Variants in TBCK observed in about 807,000 individuals in gnomAD.
TBCK encodes the protein TBC domain-containing protein kinase-like protein.
TBCK carries 99 observed loss-of-function variants against 113.4 expected under a neutral mutation model. The ratio of observed to expected loss-of-function variants is 0.87; its 90% CI spans 0.74 to 1.03. The LOEUF (loss-of-function observed/expected upper bound fraction) is 1.03. Among genes scored for constraint, TBCK ranks in the 50% least tolerant of loss-of-function variants. The pLI is 0.00. For synonymous variants in TBCK, 369 were observed against 370.8 expected (o/e 1.00, Z 0.05); for missense variants, 1,045 against 1,061.3 (o/e 0.98, Z 0.21).
intron 1 of TBCK, chr4:106,310,440 G>A (rs780059509): frequency 1.3e-5 from 2 of 152,160 alleles, no homozygotes; most frequent in Non-Finnish European, 2.9e-5. Context: ...AATCAGAAGG[G>A]TGAAGTGTTG....
intron 22 of TBCK, among the ~76,000 whole-genome samples, chr4:106,189,948 C>T (rs1753477239): frequency 1.3e-5 from 2 of 152,056 alleles, no homozygotes; most frequent in South Asian, 4.1e-4. Context: ...TCTTTCCACT[C>T]CCCACTCCCC....
At chr4:106,231,678 A>G (rs1033242915) in intron 18 of TBCK, 51 bp downstream of exon 18, 4 of 1,532,122 alleles carry the variant, frequency 2.6e-6, no homozygotes, top group Non-Finnish European at 2.7e-6. Context: ...TGTGAATCAA[A>G]TATTTTAGAA....
intron 3 of TBCK, among the ~76,000 whole-genome samples, chr4:106,273,894 T>C (rs1035421315): frequency 1.3e-5 from 2 of 152,202 alleles, no homozygotes; most frequent in East Asian, 1.9e-4. Flanking sequence ...GCAGTAGCCA[T>C]AGAAAACTAA....
At chr4:106,146,409 C>T (rs1186404749) in intron 23 of TBCK, among the ~76,000 whole-genome samples, 1 of 151,762 alleles carries the variant, frequency 6.6e-6, no homozygotes, top group Non-Finnish European at 1.5e-5. Context: ...CATATGAACA[C>T]AAAGAAGGAA....
At chr4:106,314,921 G>A (rs1391067386) in intron 1 of TBCK, among the ~76,000 whole-genome samples, 1 of 151,942 alleles carries the variant, frequency 6.6e-6, no homozygotes, top group African/African-American at 2.4e-5. Flanking sequence ...CACCGCGCCC[G>A]ACCATTTTAT....
rs754712507 is a variant in TBCK, at chr4:106,244,675, C to T, written c.1021G>A (p.Val341Ile). ...TTGGATCGAATGATTTCCTTGTTGA[C>T]AAGCTCTTTCTCCAAGTCACCTCCA... ...LAGGDLEKEL[V>I]NKEIIRSKPP... The change falls in exon 11 of 26, where the codon GTC becomes ATC. Residue 341 changes from valine to isoleucine, a missense_variant. Physicochemically the swap from Val to Ile is conservative, Grantham distance 29. Coordinates refer to ENST00000394708, the MANE Select transcript of TBCK (RefSeq NM_001163435.3). The T allele has an allele frequency of 6.2e-7, 1 of 1,612,486 alleles. No individual in the cohort carries two copies. Among genetic ancestry groups the T allele is most frequent in the Non-Finnish European group, 8.5e-7 (1 of 1,179,234 alleles).
upstream of TBCK, chr4:106,316,541 G>A: frequency 6.4e-7 from 1 of 1,551,528 alleles, no homozygotes; most frequent in African/African-American, 1.4e-5. Flanking sequence ...CGGGTGGCTG[G>A]ACCTACATGC....
Position 106,233,615 on chromosome 4 carries a change from T to C in TBCK, c.1485A>G (p.Lys495=), listed in dbSNP as rs979894757. Reference sequence around the variant, plus strand: ...GTCTATCTGTAGGAATTGGAGTGTCTTTATCAATTGCATCGTACTTGGCAT... The same window carrying C: ...GTCTATCTGTAGGAATTGGAGTGTCCTTATCAATTGCATCGTACTTGGCAT... The part of the protein sequence containing the change: ...AIHAKYDAID[K]DTPIPTDRQI... The change falls in exon 16 of 26, where the codon AAA becomes AAG. Residue 495 remains lysine, a synonymous_variant. Coordinates refer to ENST00000394708, the MANE Select transcript of TBCK (RefSeq NM_001163435.3). The C allele has an allele frequency of 6.2e-7, 1 of 1,611,440 alleles. No individual in the cohort carries two copies. Among genetic ancestry groups the C allele is most frequent in the Non-Finnish European group, 8.5e-7 (1 of 1,178,506 alleles).
Position 106,045,931 on chromosome 4 carries a change from C to T in TBCK, c.*639G>A, listed in dbSNP as rs1456117904. ...AAAGAAACTAGAAAATTTGTTTAAG[C>T]CATTCGTCTTTGCTACAGGAACTGA... is the stretch of plus-strand genomic sequence containing the variant. On this transcript the variant is annotated 3_prime_UTR_variant, in exon 26 of 26. Transcript: ENST00000394708. 3 of 152,180 alleles carry T rather than the reference C, an allele frequency of 2.0e-5. No individual in the cohort carries two copies. The East Asian group carries it at 5.8e-4, about 29-fold the overall frequency. 9.4% of individuals were successfully genotyped at this position (152,180 alleles called of 1,614,324 possible). A position where few individuals can be genotyped will look rare whatever the true frequency, so the allele number is the denominator to read the frequency against.
chr4:106,170,524 G>C lies in TBCK; in HGVS notation c.2235+571C>G, dbSNP rs937861487. Among the ~76,000 whole-genome samples the C allele has an allele frequency of 5.3e-5, 8 of 151,926 alleles. 1 individual carries two copies. The highest frequency in any genetic ancestry group is 5.2e-4 in the Admixed American group (8 of 15,240). ...ATTTGGGGACATAAATAAAATCATA[G>C]AAAGTGCCATATCTGAAAAGCAATA... is the stretch of plus-strand genomic sequence containing the variant. On this transcript the variant is annotated intron_variant, in intron 23 of 25. Transcript: ENST00000394708.
intron 5 of TBCK, among the ~76,000 whole-genome samples, chr4:106,253,542 AG>A (rs1189019143): frequency 2.0e-5 from 3 of 152,314 alleles, no homozygotes; most frequent in African/African-American, 7.2e-5. Context: ...TTTCAAAACG[AG>A]TTATACCAAT....
chr4:106,212,130 AATTT>A (rs983954682), intron 20 of TBCK, among the ~76,000 whole-genome samples: 3 of 152,076 alleles, frequency 2.0e-5, no homozygotes, highest in Admixed American at 2.0e-4. Context: ...TTTTGTTATT[AATTT>A]ATTTTCCTCT....
In TBCK at chr4:106,231,888, AG is replaced by A. The variant is rs1412381100; in HGVS notation, c.1640-110del. ...ATTACCTCCAAGTAGATTAAACATT[AG>A]AAGTATTATCCATCCAGAAATATGT... On this transcript the variant is annotated intron_variant, in intron 17 of 25. Coordinates refer to ENST00000394708, the MANE Select transcript of TBCK (RefSeq NM_001163435.3). 7.2e-6 allele frequency: 7 copies of A among 970,464 alleles called. No homozygotes were observed. In the African/African-American group the frequency reaches 1.2e-4, roughly 16 times the overall value. 60.1% of individuals were successfully genotyped at this position (970,464 alleles called of 1,614,324 possible).
chr4:106,245,305 G>A (rs1402556757), intron 10 of TBCK, among the ~76,000 whole-genome samples: 1 of 152,156 alleles, frequency 6.6e-6, no homozygotes, highest in East Asian at 1.9e-4. Context: ...TAACCATTCT[G>A]AAATACAATG....
chr4:106,290,431 C>A (rs989171440), intron 3 of TBCK, among the ~76,000 whole-genome samples: 2 of 152,150 alleles, frequency 1.3e-5, no homozygotes, highest in Non-Finnish European at 2.9e-5. Context: ...CCACCTTGGC[C>A]TCCCAAAGTG....
chr4:106,148,975 C>G (rs1357904944), intron 23 of TBCK, among the ~76,000 whole-genome samples: 1 of 152,178 alleles, frequency 6.6e-6, no homozygotes, highest in Non-Finnish European at 1.5e-5. Flanking sequence ...GGATTACTTC[C>G]TTCAGCTTCT....
chr4:106,071,926 C>CT (rs1197755876), intron 25 of TBCK, among the ~76,000 whole-genome samples: 2 of 149,856 alleles, frequency 1.3e-5, no homozygotes, highest in Non-Finnish European at 3.0e-5. Context: ...CAACCCCTTC[C>CT]TTTTTTTGCT....
At chr4:106,094,082 A>G (rs1740637605) in intron 25 of TBCK, among the ~76,000 whole-genome samples, 1 of 152,194 alleles carries the variant, frequency 6.6e-6, no homozygotes, top group Non-Finnish European at 1.5e-5. Context: ...TAAAAATTAT[A>G]GTGAAGGCAT....
At chr4:106,266,530 TG>T (rs745394392) in intron 3 of TBCK, among the ~76,000 whole-genome samples, 2 of 151,918 alleles carry the variant, frequency 1.3e-5, no homozygotes, top group Non-Finnish European at 2.9e-5. Context: ...TTGCTAATTG[TG>T]AGCTATTAGA....
Sources: gnomAD v4.1 joint callset for allele counts (sites outside exome capture counted in the v4.1 genomes callset) on GRCh38, gnomAD v4.1.1 for gene constraint, MANE v1.5 for transcripts, NCBI Gene and HGNC (gene_info 2026-07-23, HGNC 2026-07-21) for gene names.